Variants in DLGAP4 observed in about 807,000 individuals in gnomAD.
The protein encoded by DLGAP4 is DLG associated protein 4, also known as disks large-associated protein 4.
Under a neutral mutation model 86.9 loss-of-function variants are expected in DLGAP4, and 18 were observed. That is an observed-to-expected ratio of 0.21 (90% CI 0.14 to 0.31). DLGAP4 has a LOEUF of 0.31. Among genes scored for constraint, DLGAP4 ranks in the 10% least tolerant of loss-of-function variants. DLGAP4 has a pLI of 1.00. For missense variants in DLGAP4, 1,085 were observed against 1,362.6 expected (o/e 0.80, Z 3.21); for synonymous variants, 548 against 574.3 (o/e 0.95, Z 0.65).
At chr20:36,349,221 A>T (rs2030054216) in intron 1 of DLGAP4, among the ~76,000 whole-genome samples, 1 of 150,246 alleles carries the variant, frequency 6.7e-6, no homozygotes, top group South Asian at 2.1e-4. Flanking sequence ...GATTGAGATC[A>T]TCCTGGCTAA....
chr20:36,325,078 G>T (rs2065203569), intron 1 of DLGAP4, among the ~76,000 whole-genome samples: 1 of 151,918 alleles, frequency 6.6e-6, no homozygotes, highest in Non-Finnish European at 1.5e-5. Context: ...TTGTCTTCAT[G>T]AATATAGGCA....
chr20:36,442,634 G>T (rs764492651), intron 5 of DLGAP4, 93 bp from the exon 6 acceptor site: 143 of 1,432,128 alleles, frequency 1.0e-4, no homozygotes, highest in Non-Finnish European at 1.3e-4. Flanking sequence ...GGTTAGACCA[G>T]CCAGCTTCAA....
intron 1 of DLGAP4, among the ~76,000 whole-genome samples, chr20:36,317,282 T>A (rs1388072634): frequency 0.035 from 1,065 of 30,410 alleles, 33 homozygotes; most frequent in African/African-American, 0.099. Flanking sequence ...TTTCTTATCT[T>A]TCTTTCTTTC....
intron 2 of DLGAP4, among the ~76,000 whole-genome samples, chr20:36,391,801 A>G (rs2031792953): frequency 6.6e-6 from 1 of 152,134 alleles, no homozygotes; most frequent in Non-Finnish European, 1.5e-5. Context: ...CTGGGTGTTA[A>G]TGCCGTCTCC....
Position 36,372,430 on chromosome 20 carries a change from C to A in DLGAP4, c.-73+5155C>A, listed in dbSNP as rs543560854. 1.2e-4 allele frequency among the ~76,000 whole-genome samples: 18 copies of A among 152,230 alleles called. No individual in the cohort carries two copies. In the South Asian group the frequency reaches 3.3e-3, roughly 28 times the overall value. On this transcript the variant is annotated intron_variant, in intron 2 of 12. Transcript: ENST00000339266. ...CCAACCCACACCCCGCCTCTCTCCC[C>A]ACCACCTCCCTCCCCATCACCTCCC...
chr20:36,332,906 C>T (rs376650702), intron 1 of DLGAP4, among the ~76,000 whole-genome samples: 20 of 152,258 alleles, frequency 1.3e-4, no homozygotes, highest in African/African-American at 4.3e-4. Context: ...CGCCTGCCAC[C>T]ATGTATATTC....
chr20:36,470,632 T>G (rs981237201), intron 7 of DLGAP4, among the ~76,000 whole-genome samples: 3 of 151,460 alleles, frequency 2.0e-5, no homozygotes, highest in Non-Finnish European at 4.4e-5. Flanking sequence ...AGACACCTAA[T>G]CACTGTGACG....
At chr20:36,397,496 G>C (rs568438899) in intron 2 of DLGAP4, among the ~76,000 whole-genome samples, 2 of 152,158 alleles carry the variant, frequency 1.3e-5, no homozygotes, top group Non-Finnish European at 2.9e-5. Flanking sequence ...CCCTTCTTTG[G>C]ATTTATTTTG....
chr20:36,464,624 C>T (rs572021104), intron 7 of DLGAP4, among the ~76,000 whole-genome samples: 1 of 152,102 alleles, frequency 6.6e-6, no homozygotes, highest in Non-Finnish European at 1.5e-5. Flanking sequence ...CCGAGGCGGG[C>T]AGATCACTGG....
rs374951709 is a variant in DLGAP4, at chr20:36,519,962, T to G, written c.2513-4288T>G. On this transcript the variant is annotated intron_variant, in intron 10 of 12. Coordinates refer to ENST00000339266, the MANE Select transcript of DLGAP4 (RefSeq NM_001365621.2). Reference sequence around the variant, plus strand: ...TGCACCACCATGCCCAGTTTGTTTTTTTTTTTTTCTTTTGGTAGAGAAGAG... The same window carrying G: ...TGCACCACCATGCCCAGTTTGTTTTGTTTTTTTTCTTTTGGTAGAGAAGAG... Among the ~76,000 whole-genome samples, 88 of 152,044 alleles carry G rather than the reference T, an allele frequency of 5.8e-4. 2 individuals are homozygous for G. In the East Asian group the frequency reaches 0.015, roughly 25 times the overall value.
At chr20:36,499,085 C>T in intron 8 of DLGAP4, 1 of 727,514 alleles carries the variant, frequency 1.4e-6, no homozygotes, top group Non-Finnish European at 2.2e-6. Context: ...CTGGCCTGCC[C>T]TCCAGGTTTC....
chr20:36,508,468 C>CTA (rs2036512256), intron 10 of DLGAP4, among the ~76,000 whole-genome samples: 1 of 139,942 alleles, frequency 7.1e-6, no homozygotes, highest in African/African-American at 2.8e-5. Flanking sequence ...CTCTCGTTAC[C>CTA]TAGTCTGGAG....
intron 7 of DLGAP4, among the ~76,000 whole-genome samples, chr20:36,466,176 C>T (rs1005086373): frequency 3.9e-5 from 6 of 152,188 alleles, no homozygotes; most frequent in Admixed American, 2.0e-4. Flanking sequence ...GAGAGCCTGT[C>T]GGCTGCAACC....
At chr20:36,427,836 GTTA>G (rs2033020980) in intron 2 of DLGAP4, among the ~76,000 whole-genome samples, 3 of 151,312 alleles carry the variant, frequency 2.0e-5, no homozygotes. Flanking sequence ...CCGGCTACTA[GTTA>G]GGCTGAGGCA....
At chr20:36,446,652 T>C (rs1231453463) in intron 6 of DLGAP4, 45 bp from the exon 7 acceptor site, 1 of 1,552,680 alleles carries the variant, frequency 6.4e-7, no homozygotes, top group Admixed American at 1.7e-5. Flanking sequence ...CCCCCCAGGA[T>C]GGGCAAGATA....
At chr20:36,332,897 G>A (rs1442240195) in intron 1 of DLGAP4, among the ~76,000 whole-genome samples, 6 of 151,920 alleles carry the variant, frequency 3.9e-5, no homozygotes, top group South Asian at 2.1e-4. Context: ...GAACACTCTC[G>A]CCTGCCACCA....
At chr20:36,391,143 G>A (rs1475934363) in intron 2 of DLGAP4, among the ~76,000 whole-genome samples, 2 of 152,014 alleles carry the variant, frequency 1.3e-5, no homozygotes, top group African/African-American at 2.4e-5. Context: ...GTGCCCTGAG[G>A]GTTCTATCTC....
At chr20:36,524,427 C>A in intron 11 of DLGAP4, 86 bp downstream of exon 11, 2 of 1,149,548 alleles carry the variant, frequency 1.7e-6, no homozygotes, top group Non-Finnish European at 2.5e-6. Flanking sequence ...AGCCTCTGTG[C>A]CCTCCTCTGT....
At chr20:36,416,511 G>A (rs1043796080) in intron 2 of DLGAP4, among the ~76,000 whole-genome samples, 7 of 152,216 alleles carry the variant, frequency 4.6e-5, no homozygotes, top group Admixed American at 6.5e-5. Context: ...GATGTCTGTC[G>A]CCCTCTCCAT....
Sources: allele counts gnomAD v4.1 joint callset (sites outside exome capture counted in the v4.1 genomes callset), GRCh38; gene constraint gnomAD v4.1.1; transcripts MANE v1.5; gene names NCBI Gene and HGNC (gene_info 2026-07-23, HGNC 2026-07-21).